The following PCSK2 variants were observed in gnomAD, a reference collection of about 807,000 sequenced individuals.
PCSK2 encodes neuroendocrine convertase 2.
Under a neutral mutation model 69.7 loss-of-function variants are expected in PCSK2, and 14 were observed. The ratio of observed to expected loss-of-function variants is 0.20; its 90% CI spans 0.13 to 0.31. The LOEUF (loss-of-function observed/expected upper bound fraction) is 0.31, where lower values mean the gene tolerates loss of function less well. Among genes scored for constraint, PCSK2 ranks in the 10% least tolerant of loss-of-function variants. The pLI is 1.00. For missense variants in PCSK2, 544 were observed against 842.5 expected (o/e 0.65, Z 4.39); for synonymous variants, 307 against 320.7 (o/e 0.96, Z 0.46).
chr20:17,399,779 C>T (rs1239725419), intron 5 of PCSK2, among the ~76,000 whole-genome samples: 1 of 152,156 alleles, frequency 6.6e-6, no homozygotes, highest in Non-Finnish European at 1.5e-5. Context: ...ACCCAGGGGC[C>T]ACCAGGTAGT....
Position 17,480,184 on chromosome 20 carries a change from C to CTTTTTTTTTTTTTT in PCSK2, c.1431-1390_1431-1377dup, listed in dbSNP as rs1164266992. Among the ~76,000 whole-genome samples the CTTTTTTTTTTTTTT allele has an allele frequency of 8.1e-3, 622 of 76,952 alleles. 52 individuals carry two copies. Among genetic ancestry groups the CTTTTTTTTTTTTTT allele is most frequent in the African/African-American group, 0.013 (219 of 17,054 alleles). The allele number at this position is 76,952 out of a possible 152,430, so 50.5% of individuals were successfully genotyped here. On this transcript the variant is annotated intron_variant, in intron 11 of 11. Coordinates refer to ENST00000262545, the MANE Select transcript of PCSK2 (RefSeq NM_002594.5). ...ATTAATTTACCCATTTTCAGCTTTT[C>CTTTTTTTTTTTTTT]TTTTTTTTTTTTTTTTTTTTTTTGA... is the stretch of plus-strand genomic sequence containing the variant.
chr20:17,292,713 A>T (rs1301301618), intron 2 of PCSK2, among the ~76,000 whole-genome samples: 2 of 152,176 alleles, frequency 1.3e-5, no homozygotes, highest in South Asian at 4.1e-4. Context: ...CTTCAGCAGA[A>T]TATCATCATT....
At chr20:17,403,809 C>A (rs2031695860) in intron 5 of PCSK2, among the ~76,000 whole-genome samples, 1 of 152,224 alleles carries the variant, frequency 6.6e-6, no homozygotes, top group Non-Finnish European at 1.5e-5. Flanking sequence ...TTATTCAAGT[C>A]TCACAAGAAA....
chr20:17,433,787 C>CTCTCTCTCTCTCTCTCTT (rs2032417204), intron 7 of PCSK2, among the ~76,000 whole-genome samples: 1 of 110,172 alleles, frequency 9.1e-6, no homozygotes, highest in Non-Finnish European at 2.0e-5. Flanking sequence ...CCTTTGATTT[C>CTCTCTCTCTCTCTCTCTT]TCTCTCTCTC....
At chr20:17,260,198 C>A in intron 1 of PCSK2, 42 bp from the exon 2 acceptor site, 1 of 1,335,094 alleles carries the variant, frequency 7.5e-7, no homozygotes. Context: ...CTGGGCCAAC[C>A]CCAGAAGCTA....
chr20:17,260,304 G>T lies in PCSK2; in HGVS notation c.242G>T (p.Arg81Leu), dbSNP rs754614068. The change falls in exon 2 of 12, where the codon CGC (arginine) becomes CTC (leucine). Residue 81 changes from arginine to leucine, a missense_variant. Arg to Leu is a moderately radical substitution (Grantham distance 102). Around this residue, in one of 3 missense-constraint regions of PCSK2, gnomAD observed 157 missense variants for 155.0 expected, o/e 1.01. Transcript: ENST00000262545. Reference protein sequence around the residue: ...HNGLAKAKRRRSLHHKQQLER... With the variant: ...HNGLAKAKRRLSLHHKQQLER... ...GGCCTTGCAAAGGCCAAGAGAAGAC[G>T]CAGCCTACACCACAAGCAGCAGCTG... 3.7e-6 allele frequency: 6 copies of T among 1,613,774 alleles called. No homozygotes were observed. The highest frequency in any genetic ancestry group is 4.5e-5 in the East Asian group (2 of 44,844).
intron 3 of PCSK2, among the ~76,000 whole-genome samples, chr20:17,358,656 A>G (rs574648873): frequency 6.6e-6 from 1 of 152,296 alleles, no homozygotes; most frequent in Admixed American, 6.5e-5. Flanking sequence ...CTTGTCTCCT[A>G]GGGTGGAGGC....
rs1309995106 is a variant in PCSK2 at position 17,453,057 on chromosome 20, CA to C, written c.886-683del. 6.6e-6 allele frequency among the ~76,000 whole-genome samples: 1 copy of C among 152,052 alleles called. No individual in the cohort carries two copies. The highest frequency in any genetic ancestry group is 2.4e-5 in the African/African-American group (1 of 41,418). On this transcript the variant is annotated intron_variant, in intron 8 of 11. Coordinates refer to ENST00000262545, the MANE Select transcript of PCSK2 (RefSeq NM_002594.5). The surrounding 1 kb of genome is among the most constrained non-coding windows in gnomAD (Gnocchi z 4.0). Reference sequence around the variant, plus strand: ...CTCCTACATTTGGAGTTCCCTTGCTCAAGTAAAATGTCATATATTATGTGTT... The same window carrying C: ...CTCCTACATTTGGAGTTCCCTTGCTCAGTAAAATGTCATATATTATGTGTT...
intron 2 of PCSK2, among the ~76,000 whole-genome samples, chr20:17,274,409 G>C (rs1987979992): frequency 6.6e-6 from 1 of 152,174 alleles, no homozygotes; most frequent in Non-Finnish European, 1.5e-5. Flanking sequence ...TGAAGGCTCT[G>C]TAACATTTTA....
intron 2 of PCSK2, among the ~76,000 whole-genome samples, chr20:17,346,210 T>A (rs1990648797): frequency 6.6e-6 from 1 of 152,170 alleles, no homozygotes; most frequent in Non-Finnish European, 1.5e-5. Flanking sequence ...CCTGTATTCC[T>A]GGGTGGTGCT....
intron 2 of PCSK2, among the ~76,000 whole-genome samples, chr20:17,297,962 A>G (rs868302063): frequency 4.6e-5 from 7 of 152,350 alleles, no homozygotes; most frequent in Middle Eastern, 3.4e-3. Context: ...TTATCAAAAC[A>G]AATACATTTG....
intron 2 of PCSK2, among the ~76,000 whole-genome samples, chr20:17,271,767 C>T (rs1185782850): frequency 2.0e-5 from 3 of 152,050 alleles, no homozygotes; most frequent in Admixed American, 2.0e-4. Context: ...TGTAAAGATT[C>T]TTTTATCTTT....
intron 2 of PCSK2, among the ~76,000 whole-genome samples, chr20:17,337,279 T>C (rs1054409697): frequency 6.6e-6 from 1 of 152,232 alleles, no homozygotes; most frequent in African/African-American, 2.4e-5. Flanking sequence ...CACTTTTTCA[T>C]GATTTTGTCA....
chr20:17,335,237 G>A (rs1286913240), intron 2 of PCSK2, among the ~76,000 whole-genome samples: 1 of 152,030 alleles, frequency 6.6e-6, no homozygotes, highest in African/African-American at 2.4e-5. Context: ...TGTCCAAGAT[G>A]TCCCATCACA....
chr20:17,353,466 A>G lies in PCSK2; in HGVS notation c.283-4861A>G, dbSNP rs200450988. Among the ~76,000 whole-genome samples, 1,192 of 149,420 alleles carry G rather than the reference A, an allele frequency of 8.0e-3. 21 individuals are homozygous for G. The highest frequency in any genetic ancestry group is 0.033 in the East Asian group (169 of 5,082). Reference sequence around the variant, plus strand: ...GTGACAGAGCAAGACTCCATCACACAAAAAAAAAAAAAAAGTCAAAAAATA... The same window carrying G: ...GTGACAGAGCAAGACTCCATCACACGAAAAAAAAAAAAAAGTCAAAAAATA... On this transcript the variant is annotated intron_variant, in intron 2 of 11. Coordinates refer to ENST00000262545, the MANE Select transcript of PCSK2 (RefSeq NM_002594.5).
rs529351878 is a variant in PCSK2, at chr20:17,240,541, C to T, written c.177+13059C>T. Among the ~76,000 whole-genome samples, 13 of 152,266 alleles carry T rather than the reference C, an allele frequency of 8.5e-5. No individual in the cohort carries two copies. The South Asian group carries it at 2.7e-3, about 32-fold the overall frequency. On this transcript the variant is annotated intron_variant, in intron 1 of 11. Coordinates refer to ENST00000262545, the MANE Select transcript of PCSK2 (RefSeq NM_002594.5). ...CATTGGCATCTGTATGTACTCTGTA[C>T]AGGTGACCTCCAGGGTGGACCAAGG...
At position 17,227,042 on chromosome 20, in the gene PCSK2, T is replaced by G. The variant is rs910919940; in HGVS notation, c.-264T>G. ...GCATCAAGCACAGACCTACACTCGC[T>G]CTTTCTCTCCGGTACACACAGCTCC... On this transcript the variant is annotated 5_prime_UTR_variant, in exon 1 of 12. Coordinates refer to ENST00000262545, the MANE Select transcript of PCSK2 (RefSeq NM_002594.5). The G allele has an allele frequency of 2.2e-6, 1 of 451,304 alleles. No homozygotes were observed. Among genetic ancestry groups the G allele is most frequent in the African/African-American group, 2.0e-5 (1 of 50,358 alleles). The allele number at this position is 451,304 out of a possible 1,614,324, so 28.0% of individuals were successfully genotyped here.
chr20:17,480,794 G>A (rs748571310), intron 11 of PCSK2, among the ~76,000 whole-genome samples: 1 of 152,236 alleles, frequency 6.6e-6, no homozygotes, highest in Non-Finnish European at 1.5e-5. Context: ...TTGTCACGCT[G>A]AGGAATAGAG....
chr20:17,471,582 A>C (rs374072590), intron 11 of PCSK2, among the ~76,000 whole-genome samples: 2 of 152,376 alleles, frequency 1.3e-5, no homozygotes, highest in East Asian at 3.9e-4. Flanking sequence ...GACTGCTGGC[A>C]ATAGGACCGG....
Sources: allele counts gnomAD v4.1 joint callset (sites outside exome capture counted in the v4.1 genomes callset), GRCh38; gene constraint gnomAD v4.1.1; regional missense constraint gnomAD v4.1.1; non-coding constraint Gnocchi (gnomAD v3.1); transcripts MANE v1.5; gene names NCBI Gene and HGNC (gene_info 2026-07-23, HGNC 2026-07-21).